The following SEMA4A variants were observed in gnomAD, a reference collection of about 807,000 sequenced individuals.
SEMA4A encodes the protein semaphorin-4A.
SEMA4A carries 52 observed loss-of-function variants against 72.5 expected under a neutral mutation model. The ratio of observed to expected loss-of-function variants is 0.72; its 90% CI spans 0.57 to 0.90. The LOEUF (loss-of-function observed/expected upper bound fraction) is 0.90, where lower values mean the gene tolerates loss of function less well. Among genes scored for constraint, SEMA4A ranks in the 40% least tolerant of loss-of-function variants. The pLI is 0.00. For synonymous variants in SEMA4A, 369 were observed against 393.1 expected, an observed-to-expected ratio of 0.94 and a Z score of 0.73; for missense variants, 926 against 959.7, an observed-to-expected ratio of 0.96 and a Z score of 0.46.
At chr1:156,173,284 A>G (rs1654981490) in intron 11 of SEMA4A, among the ~76,000 whole-genome samples, 1 of 152,152 alleles carries the variant, frequency 6.6e-6, no homozygotes, top group African/African-American at 2.4e-5. Context: ...AAGCTATGTT[A>G]GAGGAATGAA....
rs1654938697 is a variant in SEMA4A at position 156,172,904 on chromosome 1, AC to A, written c.1214del (p.Thr405SerfsTer5). 6.2e-7 allele frequency: 1 copy of A among 1,613,912 alleles called. No individual in the cohort carries two copies. Among genetic ancestry groups the A allele is most frequent in the African/African-American group, 1.3e-5 (1 of 74,854 alleles). On this transcript the variant is annotated frameshift_variant, in exon 11 of 15. Transcript: ENST00000368285. LOFTEE classifies it high-confidence loss of function. ...CCTGATGGATGAGCAAGTGGTGGGGACGCCCCTGCTGGTGAAATCTGGCGTG... is the reference window on the plus strand; with the variant it reads ...CCTGATGGATGAGCAAGTGGTGGGGAGCCCCTGCTGGTGAAATCTGGCGTG... ...HFLMDEQVVG[T>X]PLLVKSGVEY...
intron 7 of SEMA4A, 127 bp from the exon 8 acceptor site, chr1:156,160,778 G>C: frequency 3.5e-6 from 5 of 1,417,510 alleles, no homozygotes; most frequent in Non-Finnish European, 4.9e-6. Context: ...GCTACCCCTC[G>C]ACAAGCTGTG....
rs553165474 is a variant in SEMA4A, at chr1:156,154,672, G to T, written c.94G>T (p.Gly32Trp). ...LQLLLPTTTAGGGGQGPMPRV... is the reference protein window; with the variant it reads ...LQLLLPTTTAWGGGQGPMPRV... ...GCTGCTGCTGCCGACGACGACCGCG[G>T]GGGGAGGCGGGCAGGGGCCCATGCC... Residue 32 changes from glycine (G) to tryptophan (W), a missense_variant, in exon 2 of 15, where the codon GGG (glycine) becomes TGG (tryptophan). Physicochemically the swap from Gly to Trp is radical, Grantham distance 184. Coordinates refer to ENST00000368285, the MANE Select transcript of SEMA4A (RefSeq NM_022367.4). 26 of 1,599,928 alleles carry T rather than the reference G, an allele frequency of 1.6e-5. No homozygotes were observed. The African/African-American group carries it at 3.1e-4, about 19-fold the overall frequency.
At chr1:156,147,736 CA>C (rs1652219058), upstream of SEMA4A, among the ~76,000 whole-genome samples, 5 of 152,238 alleles carry the variant, frequency 3.3e-5, no homozygotes, top group South Asian at 1.0e-3. Flanking sequence ...CACAGGGTCC[CA>C]ACATCCCCAC....
intron 10 of SEMA4A, among the ~76,000 whole-genome samples, chr1:156,166,840 A>G (rs1283610705): frequency 6.6e-6 from 1 of 152,000 alleles, no homozygotes; most frequent in African/African-American, 2.4e-5. Context: ...GAGGCAGAAG[A>G]ATCTCTTGAA....
rs747034013 is a variant in SEMA4A, at chr1:156,176,570, G to T, written c.1859G>T (p.Gly620Val). ...CTGATAGTGCAGGATGGAGTTGGGG[G>T]TCTCTACCAGTGCTGGGCAACTGAG... ...LLLIVQDGVG[G>V]LYQCWATENG... The change falls in exon 15 of 15, where the codon GGT becomes GTT. Residue 620 changes from glycine to valine, a missense_variant. Physicochemically the swap from Gly to Val is moderately radical, Grantham distance 109. Transcript: ENST00000368285. The T allele has an allele frequency of 2.5e-6, 4 of 1,614,142 alleles. No homozygotes were observed. The highest frequency in any genetic ancestry group is 1.7e-5 in the Admixed American group (1 of 60,012).
At position 156,176,943 on chromosome 1, in the gene SEMA4A, C is replaced by T. The variant is rs773910130; in HGVS notation, c.2232C>T (p.Thr744=). The change falls in exon 15 of 15, where the codon ACC becomes ACT. Residue 744 remains threonine, a synonymous_variant. Transcript: ENST00000368285. ...QHLQSPKECR[T]SASDVDADNN... Reference sequence around the variant, plus strand: ...TCCAGTCTCCCAAGGAATGCAGGACCTCTGCCAGTGATGTGGACGCTGACA... The same window carrying T: ...TCCAGTCTCCCAAGGAATGCAGGACTTCTGCCAGTGATGTGGACGCTGACA... The T allele has an allele frequency of 2.4e-5, 39 of 1,613,834 alleles. No individual in the cohort carries two copies. The highest frequency in any genetic ancestry group is 3.3e-5 in the Non-Finnish European group (39 of 1,180,058).
intron 1 of SEMA4A, 136 bp from the exon 2 acceptor site, chr1:156,154,414 G>A (rs996927650): frequency 5.3e-6 from 4 of 754,594 alleles, no homozygotes; most frequent in Non-Finnish European, 8.8e-6. Flanking sequence ...TCCAGATAGG[G>A]AACCTTCTCT....
At position 156,176,940 on chromosome 1, in the gene SEMA4A, G is replaced by T. The variant is rs1482303291; in HGVS notation, c.2229G>T (p.Arg743Ser). The part of the protein sequence containing the change: ...EQHLQSPKEC[R>S]TSASDVDADN... ...ACCTCCAGTCTCCCAAGGAATGCAG[G>T]ACCTCTGCCAGTGATGTGGACGCTG... The change falls in exon 15 of 15, where the codon AGG (arginine) becomes AGT (serine). Residue 743 changes from arginine to serine, a missense_variant. Arg to Ser is a moderately radical substitution (Grantham distance 110). Transcript: ENST00000368285. 1 of 1,613,988 alleles carries T rather than the reference G, an allele frequency of 6.2e-7. No homozygotes were observed. Among genetic ancestry groups the T allele is most frequent in the Admixed American group, 1.7e-5 (1 of 60,032 alleles).
rs1460173120 is a variant in SEMA4A, at chr1:156,172,855, C to A, written c.1164C>A (p.Ala388=). Reference sequence around the variant, plus strand: ...CAGTGGGCCCCTCCTCTGATAAGGCCCTGACCTTCATGAAGGACCATTTCC... The same window carrying A: ...CAGTGGGCCCCTCCTCTGATAAGGCACTGACCTTCATGAAGGACCATTTCC... ...SCSVGPSSDK[A]LTFMKDHFLM... Residue 388 remains alanine (A), a synonymous_variant, in exon 11 of 15, where the codon GCC becomes GCA. Coordinates refer to ENST00000368285, the MANE Select transcript of SEMA4A (RefSeq NM_022367.4). 1.2e-6 allele frequency: 2 copies of A among 1,614,184 alleles called. No homozygotes were observed. The highest frequency in any genetic ancestry group is 4.5e-5 in the East Asian group (2 of 44,880).
rs756798794 is a variant in SEMA4A at position 156,156,422 on chromosome 1, C to T, written c.148C>T (p.Arg50Cys). 2.1e-5 allele frequency: 34 copies of T among 1,613,938 alleles called. No homozygotes were observed. Among genetic ancestry groups the T allele is most frequent in the South Asian group, 1.1e-4 (10 of 91,086 alleles). The change falls in exon 3 of 15, where the codon CGT becomes TGT. Residue 50 changes from arginine to cysteine, a missense_variant. Coordinates refer to ENST00000368285, the MANE Select transcript of SEMA4A (RefSeq NM_022367.4). The part of the protein sequence containing the change: ...PRVRYYAGDE[R>C]RALSFFHQKG... ...TCTTACTCCTCCAACAGGGGATGAA[C>T]GTAGGGCACTTAGCTTCTTCCACCA... is the stretch of plus-strand genomic sequence containing the variant.
At chr1:156,156,293 T>C (rs1653018399) in intron 2 of SEMA4A, 121 bp from the exon 3 acceptor site, 1 of 877,460 alleles carries the variant, frequency 1.1e-6, no homozygotes, top group South Asian at 1.4e-5. Context: ...AGAGTGCATC[T>C]AGCTGCCAAG....
upstream of SEMA4A, among the ~76,000 whole-genome samples, chr1:156,151,080 G>T (rs199966206): frequency 2.1e-4 from 32 of 152,334 alleles, no homozygotes; most frequent in East Asian, 6.2e-3. Context: ...TTGTACGGTT[G>T]TCAGGAAGGG....
At chr1:156,154,516 C>G (rs1004228312) in intron 1 of SEMA4A, 34 bp from the exon 2 acceptor site, 25 of 1,567,266 alleles carry the variant, frequency 1.6e-5, no homozygotes, top group Admixed American at 3.6e-5. Flanking sequence ...AAGAACTGCT[C>G]ACCCAGAAAG....
chr1:156,169,987 T>G (rs954218244), intron 10 of SEMA4A, among the ~76,000 whole-genome samples: 8 of 151,814 alleles, frequency 5.3e-5, no homozygotes, highest in Non-Finnish European at 5.9e-5. Flanking sequence ...ATCGTGCCAC[T>G]GCACTCCAGC....
In SEMA4A at chr1:156,176,768, C is replaced by T. The variant is rs751185882; in HGVS notation, c.2057C>T (p.Thr686Ile). The stretch of plus-strand genomic sequence containing the variant: ...CAGTCCTACTGGCCCCACTTTGTCA[C>T]TGTCACTGTCCTCTTTGCCTTAGTG... ...AQQSYWPHFV[T>I]VTVLFALVLS... The change falls in exon 15 of 15, where the codon ACT (threonine) becomes ATT (isoleucine). Residue 686 changes from threonine to isoleucine, a missense_variant. By Grantham distance (89) the Thr-to-Ile change is moderately conservative. Transcript: ENST00000368285. 1.8e-5 allele frequency: 29 copies of T among 1,612,390 alleles called. No individual in the cohort carries two copies. The highest frequency in any genetic ancestry group is 4.4e-5 in the South Asian group (4 of 91,084).
At chr1:156,147,560 T>G (rs1169037549), upstream of SEMA4A, 1 of 151,738 alleles carries the variant, frequency 6.6e-6, no homozygotes, top group Non-Finnish European at 1.5e-5. Context: ...ATGCAGGGGG[T>G]GGTCCTCTGG....
intron 10 of SEMA4A, among the ~76,000 whole-genome samples, chr1:156,170,766 A>T (rs1296319850): frequency 6.6e-6 from 1 of 151,454 alleles, no homozygotes; most frequent in Non-Finnish European, 1.5e-5. Flanking sequence ...AAAAAAAAAA[A>T]AAAAATTAGC....
chr1:156,172,475 C>T (rs1423897911), intron 10 of SEMA4A, among the ~76,000 whole-genome samples: 1 of 152,198 alleles, frequency 6.6e-6, no homozygotes, highest in Admixed American at 6.5e-5. Flanking sequence ...GCTGCCAGGC[C>T]TCCTTGCTGG....
Sources: allele counts gnomAD v4.1 joint callset (sites outside exome capture counted in the v4.1 genomes callset), GRCh38; gene constraint gnomAD v4.1.1; transcripts MANE v1.5; gene names NCBI Gene and HGNC (gene_info 2026-07-23, HGNC 2026-07-21).